The following DHX29 variants were observed in gnomAD, a reference collection of about 807,000 sequenced individuals.
DHX29 encodes the protein ATP-dependent RNA helicase DHX29.
In DHX29, 79 loss-of-function variants were observed where a neutral mutation model predicts 167.9. That is an observed-to-expected ratio of 0.47 (90% CI 0.39 to 0.57). DHX29 has a LOEUF of 0.57. Among genes scored for constraint, DHX29 ranks in the 20% least tolerant of loss-of-function variants. DHX29 has a pLI of 0.00. For missense variants in DHX29, 1,347 were observed against 1,593.4 expected (o/e 0.85, Z 2.63); for synonymous variants, 530 against 546.0 (o/e 0.97, Z 0.41).
chr5:55,285,769 C>T lies in DHX29; in HGVS notation c.1159G>A (p.Val387Ile), dbSNP rs749719347. ...GGACTCTTGGGAAGATTCTTCCTGA[C>T]CCAATCAATCAGAAATTGTTTGGGA... ...KSPKQFLIDW[V>I]RKNLPKSPNP... is the part of the protein sequence containing the mutation. The change falls in exon 9 of 27, where the codon GTC becomes ATC. Residue 387 changes from valine (V) to isoleucine (I), a missense_variant. By Grantham distance (29) the Val-to-Ile change is conservative. Coordinates refer to ENST00000251636, the MANE Select transcript of DHX29 (RefSeq NM_019030.4). 7.5e-6 allele frequency: 12 copies of T among 1,605,788 alleles called. No individual in the cohort carries two copies. The South Asian group carries it at 1.1e-4, about 15-fold the overall frequency.
Position 55,276,406 on chromosome 5 carries a change from C to T in DHX29, c.2287G>A (p.Val763Ile), listed in dbSNP as rs773540009. The T allele has an allele frequency of 6.3e-7, 1 of 1,588,534 alleles. No homozygotes were observed. Among genetic ancestry groups the T allele is most frequent in the Admixed American group, 1.9e-5 (1 of 53,102 alleles). ...RISGRSYPVE[V>I]FHLEDIIEET... ...TCTATTATATCTTCAAGATGAAAAA[C>T]CTGCATAGAATAAGGCATATAAATG... The change falls in exon 14 of 27, where the codon GTT becomes ATT. Residue 763 changes from valine (V) to isoleucine (I), a missense_variant and splice_region_variant. Coordinates refer to ENST00000251636, the MANE Select transcript of DHX29 (RefSeq NM_019030.4).
chr5:55,292,570 C>T (rs1380296935), intron 6 of DHX29, among the ~76,000 whole-genome samples: 1 of 152,088 alleles, frequency 6.6e-6, no homozygotes, highest in African/African-American at 2.4e-5. Context: ...GTTACCTGCC[C>T]CTAAATCTGT....
At chr5:55,262,362 A>G (rs1383022182) in intron 24 of DHX29, among the ~76,000 whole-genome samples, 1 of 152,176 alleles carries the variant, frequency 6.6e-6, no homozygotes, top group East Asian at 1.9e-4. Context: ...GGATTGATAC[A>G]TTATTAACCA....
chr5:55,263,111 G>A (rs1039951445), intron 23 of DHX29, among the ~76,000 whole-genome samples, 179 bp from the exon 24 acceptor site: 1 of 151,954 alleles, frequency 6.6e-6, no homozygotes, highest in East Asian at 1.9e-4. Flanking sequence ...TCAAGAATTA[G>A]AATCAGCTAT....
At chr5:55,290,368 AG>A (rs750722321) in intron 6 of DHX29, 24 bp from the exon 7 acceptor site, 3 of 1,555,868 alleles carry the variant, frequency 1.9e-6, no homozygotes, top group Middle Eastern at 2.1e-4. Flanking sequence ...AACAATGAGG[AG>A]GGGGAAAAAA....
chr5:55,294,422 C>T (rs112466957), intron 5 of DHX29, among the ~76,000 whole-genome samples: 160 of 152,344 alleles, frequency 1.1e-3, no homozygotes, highest in African/African-American at 3.7e-3. Context: ...CGCTTGTAAT[C>T]CCAGCACTTC....
intron 6 of DHX29, 67 bp downstream of exon 6, chr5:55,293,950 C>G: frequency 1.3e-6 from 2 of 1,523,002 alleles, no homozygotes; most frequent in Non-Finnish European, 1.8e-6. Context: ...CAAACTAAGG[C>G]TCAGAAAAGG....
intron 1 of DHX29, 105 bp from the exon 2 acceptor site, chr5:55,298,769 G>A (rs1318294753): frequency 4.3e-5 from 22 of 513,256 alleles, no homozygotes; most frequent in East Asian, 1.1e-4. Context: ...GGTGGCTCAC[G>A]CCTGTAATCC....
In DHX29 at chr5:55,307,679, T is replaced by G; in HGVS notation, c.-106A>C. The G allele has an allele frequency of 6.9e-7, 1 of 1,443,894 alleles. No individual in the cohort carries two copies. The allele number at this position is 1,443,894 out of a possible 1,614,324, so 89.4% of individuals were successfully genotyped here. A position where few individuals can be genotyped will look rare whatever the true frequency, so the allele number is the denominator to read the frequency against. On this transcript the variant is annotated 5_prime_UTR_variant, in exon 1 of 27. Transcript: ENST00000251636. The stretch of plus-strand genomic sequence containing the variant: ...GGCTCCGGGGCTGCCACCCTGCGCT[T>G]CGATCCGGGCTTCTCGGGCCGGGGC...
intron 5 of DHX29, chr5:55,295,095 T>C (rs1038616476): frequency 3.8e-6 from 1 of 263,836 alleles, no homozygotes; most frequent in East Asian, 7.5e-5. Flanking sequence ...GAAGCCACTT[T>C]GGATGTTCCA....
Position 55,296,358 on chromosome 5 carries a change from A to G in DHX29, c.376-9T>C. The G allele has an allele frequency of 1.2e-6, 2 of 1,605,578 alleles. No individual in the cohort carries two copies. Among genetic ancestry groups the G allele is most frequent in the Non-Finnish European group, 1.7e-6 (2 of 1,176,526 alleles). On this transcript the variant is annotated splice_polypyrimidine_tract_variant and intron_variant, in intron 3 of 26. Coordinates refer to ENST00000251636, the MANE Select transcript of DHX29 (RefSeq NM_019030.4). ...AAAGCCATGTATAAATCCTATGACA[A>G]GCAAATATAAAAAAAGTCACATTTG...
chr5:55,297,050 T>A (rs900918149), intron 3 of DHX29, among the ~76,000 whole-genome samples: 69 of 152,206 alleles, frequency 4.5e-4, no homozygotes, highest in African/African-American at 1.6e-3. Context: ...TCTAACATAG[T>A]AGGTGCTCAA....
At chr5:55,285,614 C>G in intron 9 of DHX29, 82 bp downstream of exon 9, 4 of 1,422,018 alleles carry the variant, frequency 2.8e-6, no homozygotes, top group Non-Finnish European at 3.8e-6. Context: ...CTGCTTACCT[C>G]ACAGGGAACA....
intron 1 of DHX29, among the ~76,000 whole-genome samples, chr5:55,303,131 A>G (rs997004862): frequency 2.4e-4 from 37 of 152,288 alleles, no homozygotes; most frequent in African/African-American, 8.7e-4. Flanking sequence ...ATCAACCAGA[A>G]TCAGTTTCTT....
chr5:55,256,371 A>C lies in DHX29; in HGVS notation c.*117T>G. 1 of 806,614 alleles carries C rather than the reference A, an allele frequency of 1.2e-6. No individual in the cohort carries two copies. The highest frequency in any genetic ancestry group is 1.8e-6 in the Non-Finnish European group (1 of 547,614). 50.0% of individuals were successfully genotyped at this position (806,614 alleles called of 1,614,324 possible). A position where few individuals can be genotyped will look rare whatever the true frequency, so the allele number is the denominator to read the frequency against. On this transcript the variant is annotated 3_prime_UTR_variant, in exon 27 of 27. Coordinates refer to ENST00000251636, the MANE Select transcript of DHX29 (RefSeq NM_019030.4). ...CTTTTTTCCCACCACCTTTAAGTTA[A>C]TGGCTAGTACCAACATTTTAAGTAA...
At chr5:55,279,237 G>T (rs1747273691) in intron 12 of DHX29, among the ~76,000 whole-genome samples, 1 of 152,150 alleles carries the variant, frequency 6.6e-6, no homozygotes, top group African/African-American at 2.4e-5. Flanking sequence ...GTGGGAGAAA[G>T]AAGGAAAAAT....
intron 6 of DHX29, among the ~76,000 whole-genome samples, chr5:55,291,740 T>C (rs778384165): frequency 1.3e-5 from 2 of 152,226 alleles, no homozygotes; most frequent in Non-Finnish European, 2.9e-5. Flanking sequence ...TGAATTTGAC[T>C]TAGGAACCTC....
intron 20 of DHX29, 90 bp from the exon 21 acceptor site, chr5:55,269,727 T>A: frequency 9.2e-7 from 1 of 1,086,780 alleles, no homozygotes; most frequent in Non-Finnish European, 1.3e-6. Context: ...TTGACTTCAG[T>A]AAAATTTTGA....
intron 2 of DHX29, 56 bp from the exon 3 acceptor site, chr5:55,297,454 A>G: frequency 1.3e-6 from 1 of 776,120 alleles, no homozygotes. Context: ...AAAAATTAAA[A>G]GCCAATCATA....
Sources: allele counts gnomAD v4.1 joint callset (sites outside exome capture counted in the v4.1 genomes callset), GRCh38; gene constraint gnomAD v4.1.1; transcripts MANE v1.5; gene names NCBI Gene and HGNC (gene_info 2026-07-23, HGNC 2026-07-21).